The following DKC1 variants were observed in gnomAD, a reference collection of about 807,000 sequenced individuals.
DKC1 encodes the protein H/ACA ribonucleoprotein complex subunit DKC1.
A neutral mutation model predicts 46.7 loss-of-function variants in DKC1; 4 were observed. The ratio of observed to expected loss-of-function variants is 0.09; its 90% CI spans 0.04 to 0.20. The LOEUF (loss-of-function observed/expected upper bound fraction) is 0.20. Among genes scored for constraint, DKC1 ranks in the 10% least tolerant of loss-of-function variants. The pLI, the probability that DKC1 is intolerant of heterozygous loss-of-function variation, is 1.00. For synonymous variants in DKC1, 141 were observed against 142.4 expected (o/e 0.99, Z 0.07); for missense variants, 171 against 404.2 (o/e 0.42, Z 4.95).
chrX:154,766,031 A>G, intron 4 of DKC1, 33 bp downstream of exon 4: 4 of 1,126,264 alleles, frequency 3.6e-6, no homozygotes, highest in Non-Finnish European at 4.9e-6. Context: ...GTGCAAACTT[A>G]CTTTCTTTTG....
At position 154,777,281 on chromosome X, in the gene DKC1, A is replaced by G. The variant is rs2071912187; in HGVS notation, c.*414A>G. ...TCAGTGAAATGCTGTAGAACCCTAA[A>G]TAAGTGGTAGAAGAGTGTCACTGAA... On this transcript the variant is annotated 3_prime_UTR_variant, in exon 15 of 15. Transcript: ENST00000369550. 6.4e-6 allele frequency: 1 copy of G among 155,085 alleles called. No individual in the cohort carries two copies. Among genetic ancestry groups the G allele is most frequent in the African/African-American group, 3.1e-5 (1 of 31,992 alleles). The allele number at this position is 155,085 out of a possible 1,213,427, so 12.8% of individuals were successfully genotyped here.
rs150045442 is a variant in DKC1 at position 154,770,467 on chromosome X, TAAAAAAAAAA to T, written c.916-279_916-270del. ...ACAGAGGGAGGTTCTGCCTGAAAAT[TAAAAAAAAAA>T]AAAAAAAAAAAAGAAAATACTTGTG... On this transcript the variant is annotated intron_variant, in intron 9 of 14. Coordinates refer to ENST00000369550, the MANE Select transcript of DKC1 (RefSeq NM_001363.5). 1.2e-4 allele frequency among the ~76,000 whole-genome samples: 8 copies of T among 67,766 alleles called. No homozygotes were observed. The East Asian group carries it at 3.5e-3, about 29-fold the overall frequency. The allele number at this position is 67,766 out of a possible 115,157, so 58.8% of individuals were successfully genotyped here. A position where few individuals can be genotyped will look rare whatever the true frequency, so the allele number is the denominator to read the frequency against.
intron 5 of DKC1, among the ~76,000 whole-genome samples, 159 bp from the exon 6 acceptor site, chrX:154,766,835 ACAT>A (rs781989627): frequency 5.3e-5 from 6 of 112,271 alleles, no homozygotes; most frequent in Non-Finnish European, 7.5e-5. Flanking sequence ...ATTCTTTCCC[ACAT>A]CATCACCATG....
intron 6 of DKC1, 94 bp downstream of exon 6, chrX:154,767,155 C>CT (rs1293007550): frequency 9.4e-5 from 111 of 1,179,910 alleles, no homozygotes; most frequent in Middle Eastern, 2.3e-4. Flanking sequence ...TGACTGACTC[C>CT]TTTTGTCCCC....
intron 4 of DKC1, 53 bp from the exon 5 acceptor site, chrX:154,766,163 C>G (rs1441351555): frequency 8.9e-7 from 1 of 1,129,218 alleles, no homozygotes; most frequent in African/African-American, 1.8e-5. Flanking sequence ...TTTGTTGTTT[C>G]ACTGGAGCAT....
rs782005859 is a variant in DKC1 at position 154,777,075 on chromosome X, G to A, written c.*208G>A. 1 of 349,814 alleles carries A rather than the reference G, an allele frequency of 2.9e-6. No individual in the cohort carries two copies. The highest frequency in any genetic ancestry group is 2.6e-5 in the African/African-American group (1 of 38,253). 28.8% of individuals were successfully genotyped at this position (349,814 alleles called of 1,213,427 possible). ...TTTAAGGATATGGGTGGTGAAAGAT[G>A]AAAGAGGCAGAGTTTATCCCAATGA... On this transcript the variant is annotated 3_prime_UTR_variant, in exon 15 of 15. Transcript: ENST00000369550.
chrX:154,773,667 G>A (rs1398724308), intron 11 of DKC1, among the ~76,000 whole-genome samples: 1 of 111,289 alleles, frequency 9.0e-6, no homozygotes, highest in Non-Finnish European at 1.9e-5. Context: ...TTTTCTTAGT[G>A]CAGAACAAAA....
chrX:154,767,280 T>C lies in DKC1; in HGVS notation c.538T>C (p.Leu180=), dbSNP rs1557264297. ...GGCCCTAGAAACTCTGACAGGTGCC[T>C]TATTCCAGCGACCCCCACTTATTGC... ...SRALETLTGA[L]FQRPPLIAAV... is the part of the protein sequence containing the mutation. The change falls in exon 7 of 15, where the codon TTA becomes CTA. Residue 180 remains leucine (L), a synonymous_variant. Coordinates refer to ENST00000369550, the MANE Select transcript of DKC1 (RefSeq NM_001363.5). 3.3e-6 allele frequency: 4 copies of C among 1,211,765 alleles called. No homozygotes were observed. The South Asian group carries it at 5.3e-5, about 16-fold the overall frequency.
Position 154,767,045 on chromosome X carries a change from G to A in DKC1, c.497G>A (p.Gly166Glu). 1 of 1,210,965 alleles carries A rather than the reference G, an allele frequency of 8.3e-7. No homozygotes were observed. The highest frequency in any genetic ancestry group is 1.8e-5 in the South Asian group (1 of 56,980). ...IVRLHNAIEG[G>E]TQLSRALETL... ...CGGCTGCACAATGCTATTGAAGGGGGGACCCAGCTTTCTAGGGTAAGTCTG... is the reference window on the plus strand; with the variant it reads ...CGGCTGCACAATGCTATTGAAGGGGAGACCCAGCTTTCTAGGGTAAGTCTG... Residue 166 changes from glycine to glutamate, a missense_variant, in exon 6 of 15, where the codon GGG becomes GAG. By Grantham distance (98) the Gly-to-Glu change is moderately conservative (BLOSUM62 -2). This residue lies in a region of DKC1 where 16 missense variants were observed against 16.0 expected (regional missense o/e 1.00). Coordinates refer to ENST00000369550, the MANE Select transcript of DKC1 (RefSeq NM_001363.5).
intron 13 of DKC1, 147 bp downstream of exon 13, chrX:154,775,420 C>A: frequency 5.1e-6 from 3 of 589,888 alleles, no homozygotes; most frequent in Non-Finnish European, 5.8e-6. Flanking sequence ...AATGCTGCCT[C>A]ATACCCTGGG....
intron 1 of DKC1, among the ~76,000 whole-genome samples, chrX:154,764,000 A>T (rs1454400441): frequency 9.1e-6 from 1 of 109,994 alleles, no homozygotes; most frequent in Non-Finnish European, 1.9e-5. Context: ...CTCTACTAAA[A>T]ATACAAAAAA....
In DKC1 at chrX:154,777,658, C is replaced by T. The variant is rs1255782194; in HGVS notation, c.*791C>T. 1 of 112,040 alleles carries T rather than the reference C, an allele frequency of 8.9e-6. No individual in the cohort carries two copies. The highest frequency in any genetic ancestry group is 3.3e-5 in the African/African-American group (1 of 30,754). The allele number at this position is 112,040 out of a possible 1,213,427, so 9.2% of individuals were successfully genotyped here. A position where few individuals can be genotyped will look rare whatever the true frequency, so the allele number is the denominator to read the frequency against. Reference sequence around the variant, plus strand: ...ATTGTAAAATATTTTGATTAAAAATCTAGGGACCTTTATGTCCTATTTGAA... The same window carrying T: ...ATTGTAAAATATTTTGATTAAAAATTTAGGGACCTTTATGTCCTATTTGAA... On this transcript the variant is annotated 3_prime_UTR_variant, in exon 15 of 15. Coordinates refer to ENST00000369550, the MANE Select transcript of DKC1 (RefSeq NM_001363.5).
chrX:154,774,920 A>T, intron 12 of DKC1: 1 of 571,131 alleles, frequency 1.8e-6, no homozygotes, highest in Non-Finnish European at 3.2e-6. Flanking sequence ...AACTTGCTAA[A>T]TGCAGGACCA....
rs1171243487 is a variant in DKC1 at position 154,777,396 on chromosome X, C to G, written c.*529C>G. The stretch of plus-strand genomic sequence containing the variant: ...GGGCCTGGTAGTTTTCCATCTTGTT[C>G]TGGCCTAGAGGTCAGTCCTTTGCAC... On this transcript the variant is annotated 3_prime_UTR_variant, in exon 15 of 15. Transcript: ENST00000369550. 7.9e-6 allele frequency: 1 copy of G among 126,943 alleles called. No homozygotes were observed. The highest frequency in any genetic ancestry group is 1.6e-5 in the Non-Finnish European group (1 of 62,829). The allele number at this position is 126,943 out of a possible 1,213,427, so 10.5% of individuals were successfully genotyped here. A position where few individuals can be genotyped will look rare whatever the true frequency, so the allele number is the denominator to read the frequency against.
At position 154,770,753 on chromosome X, in the gene DKC1, C is replaced by T. The variant is rs782345716; in HGVS notation, c.916-6C>T. 8.3e-7 allele frequency: 1 copy of T among 1,211,458 alleles called. No homozygotes were observed. The highest frequency in any genetic ancestry group is 1.1e-6 in the Non-Finnish European group (1 of 895,321). The stretch of plus-strand genomic sequence containing the variant: ...GGGCCCCTTACACTTGGTGCCATCT[C>T]TGCAGGTAAATGCCATCTGCTATGG... On this transcript the variant is annotated splice_region_variant and splice_polypyrimidine_tract_variant and intron_variant, in intron 9 of 14. Transcript: ENST00000369550.
intron 11 of DKC1, among the ~76,000 whole-genome samples, chrX:154,773,951 C>G (rs1355029578): frequency 9.0e-6 from 1 of 111,575 alleles, no homozygotes; most frequent in African/African-American, 3.3e-5. Context: ...CCCCACCTCC[C>G]TCCCGGATGG....
chrX:154,772,334 T>G (rs1182910872), intron 10 of DKC1, among the ~76,000 whole-genome samples: 2 of 112,306 alleles, frequency 1.8e-5, no homozygotes, highest in African/African-American at 6.5e-5. Context: ...CACCATTTAT[T>G]GAAGAGACTG....
At position 154,773,195 on chromosome X, in the gene DKC1, G is replaced by A; in HGVS notation, c.1101G>A (p.Lys367=). Residue 367 remains lysine, a synonymous_variant, in exon 11 of 15, where the codon AAG becomes AAA. Transcript: ENST00000369550. ...ACCATGGTATAGTAGCCAAGATCAA[G>A]AGAGTGATCATGGAGAGAGACACTT... ...TCDHGIVAKI[K]RVIMERDTYP... The A allele has an allele frequency of 8.3e-7, 1 of 1,207,281 alleles. No individual in the cohort carries two copies. The highest frequency in any genetic ancestry group is 1.8e-5 in the South Asian group (1 of 56,824).
intron 1 of DKC1, among the ~76,000 whole-genome samples, chrX:154,764,445 C>A (rs781812701): frequency 2.7e-5 from 3 of 110,711 alleles, no homozygotes; most frequent in Non-Finnish European, 5.7e-5. Flanking sequence ...CAGAATAAAT[C>A]AACCTTAGCT....
Sources: gnomAD v4.1 joint callset for allele counts (sites outside exome capture counted in the v4.1 genomes callset) on GRCh38, gnomAD v4.1.1 for gene constraint, gnomAD v4.1.1 regional missense constraint, MANE v1.5 for transcripts, NCBI Gene and HGNC (gene_info 2026-07-23, HGNC 2026-07-21) for gene names.